The following TEX48 variants were observed in gnomAD, a reference collection of about 807,000 sequenced individuals.
TEX48 encodes the protein testis expressed 48, also known as testis-expressed protein 48.
Under a neutral mutation model 13.2 loss-of-function variants are expected in TEX48, and 10 were observed. The observed-to-expected ratio is 0.75, with a 90% CI of 0.47 to 1.28. TEX48 has a LOEUF of 1.28. Among genes scored for constraint, TEX48 ranks in the 50% most tolerant of loss-of-function variants. The pLI, the probability that TEX48 is intolerant of heterozygous loss-of-function variation, is 0.00. For missense variants in TEX48, 116 were observed against 139.4 expected (o/e 0.83, Z 0.84); for synonymous variants, 45 against 52.3 (o/e 0.86, Z 0.60).
rs2079145442 is a variant in TEX48 at position 114,680,120 on chromosome 9, C to CTT, written c.-105+1914_-105+1915insAA. 1.4e-3 allele frequency among the ~76,000 whole-genome samples: 72 copies of CTT among 52,124 alleles called. 2 individuals carry two copies. The highest frequency in any genetic ancestry group is 4.3e-3 in the African/African-American group (54 of 12,434). The allele number at this position is 52,124 out of a possible 152,430, so 34.2% of individuals were successfully genotyped here. On this transcript the variant is annotated intron_variant, in intron 1 of 4. Transcript: ENST00000436752. ...GAAAATACTTTTAATTGTCATTGTC[C>CTT]CTTTTTTTTTTTTTTTTTTTTTTTG...
chr9:114,681,111 C>T (rs11791534), intron 1 of TEX48, among the ~76,000 whole-genome samples: 11,290 of 152,260 alleles, frequency 0.074, 553 homozygotes, highest in Non-Finnish European at 0.098. Context: ...TTCTCTTTTT[C>T]TCTCTTTTTA....
intron 1 of TEX48, among the ~76,000 whole-genome samples, chr9:114,676,736 C>A (rs1038748950): frequency 5.3e-5 from 8 of 151,948 alleles, no homozygotes; most frequent in African/African-American, 1.9e-4. Flanking sequence ...CCTGCCTCAG[C>A]CTCCCGAGTA....
chr9:114,674,842 CT>C (rs79196358), intron 1 of TEX48, among the ~76,000 whole-genome samples: 14,458 of 135,056 alleles, frequency 0.11, 841 homozygotes, highest in East Asian at 0.2. Flanking sequence ...CCAGCAAATT[CT>C]TTTTTTTTTT....
chr9:114,672,151 C>T (rs917652789), intron 1 of TEX48, among the ~76,000 whole-genome samples: 1 of 152,158 alleles, frequency 6.6e-6, no homozygotes, highest in African/African-American at 2.4e-5. Context: ...ATTCCATTTT[C>T]CTCCCTTCTC....
rs1364046878 is a variant in TEX48, at chr9:114,666,630, C to T, written c.*13G>A. On this transcript the variant is annotated 3_prime_UTR_variant, in exon 5 of 5. Coordinates refer to ENST00000436752, the MANE Select transcript of TEX48 (RefSeq NM_001199233.2). ...AGATGCCCCAGCAGCTGTGCAGCCG[C>T]CGGCTAGAATGCTCAGGGCCTCCCA... 10 of 1,471,912 alleles carry T rather than the reference C, an allele frequency of 6.8e-6. No individual in the cohort carries two copies. The highest frequency in any genetic ancestry group is 9.1e-6 in the Non-Finnish European group (10 of 1,096,404). The allele number at this position is 1,471,912 out of a possible 1,614,324, so 91.2% of individuals were successfully genotyped here. A position where few individuals can be genotyped will look rare whatever the true frequency, so the allele number is the denominator to read the frequency against.
chr9:114,675,406 A>G (rs960471864), intron 1 of TEX48, among the ~76,000 whole-genome samples: 4 of 152,042 alleles, frequency 2.6e-5, no homozygotes, highest in African/African-American at 4.8e-5. Flanking sequence ...TCTTCTTCCC[A>G]TGTTCCCTAT....
rs1827882524 is a variant in TEX48 at position 114,668,438 on chromosome 9, GGGGGTTATTA to G, written c.128-111_128-102del. 5.9e-5 allele frequency: 63 copies of G among 1,061,502 alleles called. 1 individual carries two copies. In the South Asian group the frequency reaches 8.4e-4, roughly 14 times the overall value. The allele number at this position is 1,061,502 out of a possible 1,614,324, so 65.8% of individuals were successfully genotyped here. A position where few individuals can be genotyped will look rare whatever the true frequency, so the allele number is the denominator to read the frequency against. On this transcript the variant is annotated intron_variant, in intron 3 of 4. Coordinates refer to ENST00000436752, the MANE Select transcript of TEX48 (RefSeq NM_001199233.2). ...TCTGAAGCAGCGCACACAGGCAAGTGGGGGTTATTATGGGGTGGGGGTGTACCTGAAACTA... is the reference window on the plus strand; with the variant it reads ...TCTGAAGCAGCGCACACAGGCAAGTGTGGGGTGGGGGTGTACCTGAAACTA...
intron 3 of TEX48, among the ~76,000 whole-genome samples, chr9:114,669,119 T>C (rs1827896268): frequency 6.6e-6 from 1 of 152,038 alleles, no homozygotes; most frequent in South Asian, 2.1e-4. Flanking sequence ...AGGATCACAG[T>C]TGTGAGCCAT....
chr9:114,674,540 CTTT>C (rs1828015132), intron 1 of TEX48, among the ~76,000 whole-genome samples: 1 of 132,064 alleles, frequency 7.6e-6, no homozygotes, highest in Admixed American at 7.3e-5. Flanking sequence ...CTTTTTTCTT[CTTT>C]CTTTCTCTCT....
In TEX48 at chr9:114,666,508, C is replaced by G. The variant is rs1827844092; in HGVS notation, c.*135G>C. ...TTTTTAGGAGCTGGAGTGACTCTTG[C>G]TTGGTGGCACAAGGATGGCTCAGAT... On this transcript the variant is annotated 3_prime_UTR_variant, in exon 5 of 5. Coordinates refer to ENST00000436752, the MANE Select transcript of TEX48 (RefSeq NM_001199233.2). The G allele has an allele frequency of 1.2e-5, 7 of 573,790 alleles. No homozygotes were observed. Among genetic ancestry groups the G allele is most frequent in the Non-Finnish European group, 1.8e-5 (6 of 331,342 alleles). The allele number at this position is 573,790 out of a possible 1,614,324, so 35.5% of individuals were successfully genotyped here. A position where few individuals can be genotyped will look rare whatever the true frequency, so the allele number is the denominator to read the frequency against.
At position 114,676,149 on chromosome 9, in the gene TEX48, C is replaced by CCTTTTT. The variant is rs1017489916; in HGVS notation, c.-104-4328_-104-4323dup. 1.2e-4 allele frequency among the ~76,000 whole-genome samples: 18 copies of CCTTTTT among 152,202 alleles called. 1 individual carries two copies. The highest frequency in any genetic ancestry group is 3.6e-4 in the African/African-American group (15 of 41,538). On this transcript the variant is annotated intron_variant, in intron 1 of 4. Transcript: ENST00000436752. ...CTGGATACTAGTTCATGAGCTTTTT[C>CCTTTTT]CTTTTTCTTTTTCTTTTCTTTTTTT...
chr9:114,668,566 A>G (rs577407382), intron 3 of TEX48, among the ~76,000 whole-genome samples: 12 of 152,328 alleles, frequency 7.9e-5, no homozygotes, highest in African/African-American at 2.9e-4. Flanking sequence ...GTATGTATTT[A>G]TGGGCTACAT....
At chr9:114,679,960 T>A (rs1828155702) in intron 1 of TEX48, among the ~76,000 whole-genome samples, 1 of 152,110 alleles carries the variant, frequency 6.6e-6, no homozygotes. Flanking sequence ...ACACTCCCGT[T>A]GTGCCTGGAT....
intron 1 of TEX48, among the ~76,000 whole-genome samples, chr9:114,679,326 A>G (rs186416805): frequency 8.0e-5 from 12 of 150,650 alleles, no homozygotes; most frequent in African/African-American, 2.7e-4. Flanking sequence ...AAATAAAGAC[A>G]GGACCCAAAT....
chr9:114,680,199 G>A (rs969402209), intron 1 of TEX48, among the ~76,000 whole-genome samples: 10 of 145,346 alleles, frequency 6.9e-5, no homozygotes, highest in African/African-American at 2.6e-4. Context: ...GCGATCTCGG[G>A]TCACTGCAAC....
chr9:114,666,947 G>GTTGGT (rs1827852440), intron 4 of TEX48, among the ~76,000 whole-genome samples: 1 of 151,980 alleles, frequency 6.6e-6, no homozygotes, highest in East Asian at 1.9e-4. Context: ...ATTGTGTTAC[G>GTTGGT]TTGGTGGCTT....
chr9:114,680,248 C>T (rs947154201), intron 1 of TEX48, among the ~76,000 whole-genome samples: 2 of 151,258 alleles, frequency 1.3e-5, no homozygotes, highest in African/African-American at 4.9e-5. Context: ...CTGCCTCAGC[C>T]TCCCGAGTAG....
At chr9:114,674,630 C>G (rs1450974270) in intron 1 of TEX48, among the ~76,000 whole-genome samples, 3 of 116,974 alleles carry the variant, frequency 2.6e-5, no homozygotes, top group African/African-American at 1.0e-4. Context: ...TCCTTCCTTC[C>G]TTCCTTCCTT....
At chr9:114,681,239 C>T (rs948433309) in intron 1 of TEX48, among the ~76,000 whole-genome samples, 4 of 152,044 alleles carry the variant, frequency 2.6e-5, no homozygotes, top group African/African-American at 9.7e-5. Flanking sequence ...TTTGTTGACA[C>T]CCCGTGCTGA....
Sources: allele counts gnomAD v4.1 joint callset (sites outside exome capture counted in the v4.1 genomes callset), GRCh38; gene constraint gnomAD v4.1.1; transcripts MANE v1.5; gene names NCBI Gene and HGNC (gene_info 2026-07-23, HGNC 2026-07-21).